Variants in FAM171A1 observed in about 807,000 individuals in gnomAD.
FAM171A1 encodes the protein protein FAM171A1.
In FAM171A1, 23 loss-of-function variants were observed where a neutral mutation model predicts 74.9. That is an observed-to-expected ratio of 0.31 (90% CI 0.22 to 0.44). FAM171A1 has a LOEUF of 0.44. FAM171A1 is among the 20% of genes least tolerant of loss of function. The pLI, the probability that FAM171A1 is intolerant of heterozygous loss-of-function variation, is 1.00. For missense variants in FAM171A1, 1,162 were observed against 1,159.2 expected (o/e 1.00, Z -0.03); for synonymous variants, 527 against 505.7 (o/e 1.04, Z -0.57).
intron 5 of FAM171A1, among the ~76,000 whole-genome samples, chr10:15,227,022 C>T (rs548254416): frequency 2.0e-5 from 3 of 152,170 alleles, no homozygotes; most frequent in Non-Finnish European, 4.4e-5. Context: ...TCTTTTTAGA[C>T]AGAGTCTCAT....
At chr10:15,255,742 C>T (rs1413468289) in intron 3 of FAM171A1, among the ~76,000 whole-genome samples, 1 of 151,720 alleles carries the variant, frequency 6.6e-6, no homozygotes, top group Admixed American at 6.6e-5. Context: ...CTCTGCCTCC[C>T]GTTCAAGCGA....
intron 7 of FAM171A1, 26 bp downstream of exon 7, chr10:15,215,970 A>G (rs977585806): frequency 6.8e-7 from 1 of 1,472,340 alleles, no homozygotes; most frequent in Non-Finnish European, 9.3e-7. Context: ...ATTAAAAAAG[A>G]TATTGCCAAA....
chr10:15,223,393 G>A (rs1834064400), intron 5 of FAM171A1, among the ~76,000 whole-genome samples: 1 of 152,170 alleles, frequency 6.6e-6, no homozygotes, highest in South Asian at 2.1e-4. Context: ...GCATTCTTTG[G>A]TTTGCTGTTT....
intron 1 of FAM171A1, among the ~76,000 whole-genome samples, chr10:15,352,646 T>C (rs1253040917): frequency 6.6e-6 from 1 of 152,212 alleles, no homozygotes; most frequent in African/African-American, 2.4e-5. Flanking sequence ...GTGAAGAAAA[T>C]TGTTTCAAAA....
intron 5 of FAM171A1, among the ~76,000 whole-genome samples, chr10:15,235,910 CCTCACCTACAAGG>C (rs1834282291): frequency 6.6e-6 from 1 of 152,110 alleles, no homozygotes; most frequent in South Asian, 2.1e-4. Flanking sequence ...TCCTCGGGGT[CCTCACCTACAAGG>C]TGAGGATAAC....
intron 1 of FAM171A1, among the ~76,000 whole-genome samples, chr10:15,301,498 G>A (rs535242545): frequency 2.6e-4 from 39 of 152,022 alleles, no homozygotes; most frequent in South Asian, 1.0e-3. Context: ...CCACCTTGCC[G>A]GGCCCTCTTC....
chr10:15,336,770 T>C (rs910984094), intron 1 of FAM171A1, among the ~76,000 whole-genome samples: 1 of 152,180 alleles, frequency 6.6e-6, no homozygotes, highest in Non-Finnish European at 1.5e-5. Flanking sequence ...AGAACTAACA[T>C]AAGAGACTTC....
chr10:15,316,923 A>G (rs961622945), intron 1 of FAM171A1, among the ~76,000 whole-genome samples: 7 of 152,160 alleles, frequency 4.6e-5, no homozygotes, highest in African/African-American at 1.7e-4. Flanking sequence ...AAAAGAGAAG[A>G]CAGTTCTGCC....
At chr10:15,321,484 C>G (rs923722063) in intron 1 of FAM171A1, among the ~76,000 whole-genome samples, 1 of 151,894 alleles carries the variant, frequency 6.6e-6, no homozygotes, top group African/African-American at 2.4e-5. Flanking sequence ...TTTTTAAAAG[C>G]TTTTTTTTAC....
upstream of FAM171A1, among the ~76,000 whole-genome samples, chr10:15,371,659 A>C (rs1836151587): frequency 6.6e-6 from 1 of 152,232 alleles, no homozygotes; most frequent in African/African-American, 2.4e-5. Flanking sequence ...TATAGACTGC[A>C]GTAGGCCTGC....
At chr10:15,328,720 C>A (rs1309167847) in intron 1 of FAM171A1, among the ~76,000 whole-genome samples, 1 of 152,106 alleles carries the variant, frequency 6.6e-6, no homozygotes, top group East Asian at 1.9e-4. Flanking sequence ...AATTGTCTAG[C>A]CTTGGGGATC....
Position 15,213,666 on chromosome 10 carries a change from T to C in FAM171A1, c.1922A>G (p.Gln641Arg). 1 of 1,613,636 alleles carries C rather than the reference T, an allele frequency of 6.2e-7. No homozygotes were observed. The highest frequency in any genetic ancestry group is 8.5e-7 in the Non-Finnish European group (1 of 1,179,744). ...SQIQPQPLSS[Q>R]AISQQHLQDA... ...CTGCAGGTGCTGCTGAGAGATGGCC[T>C]GGGAAGACAGGGGCTGGGGCTGGAT... is the stretch of plus-strand genomic sequence containing the variant. Residue 641 changes from glutamine to arginine, a missense_variant, in exon 8 of 8, where the codon CAG becomes CGG. Physicochemically the swap from Gln to Arg is conservative, Grantham distance 43 (BLOSUM62 1). Transcript: ENST00000378116. The surrounding 1 kb of genome is among the most constrained non-coding windows in gnomAD (Gnocchi z 6.8).
At chr10:15,228,338 T>TC (rs1353873748) in intron 5 of FAM171A1, among the ~76,000 whole-genome samples, 1 of 139,452 alleles carries the variant, frequency 7.2e-6, no homozygotes, top group African/African-American at 2.7e-5. Context: ...GTGGGAGTAT[T>TC]TTTTTTTTTT....
intron 3 of FAM171A1, among the ~76,000 whole-genome samples, chr10:15,272,631 C>A (rs1406459691): frequency 2.6e-5 from 4 of 152,176 alleles, no homozygotes; most frequent in Non-Finnish European, 5.9e-5. Flanking sequence ...AAATTGACCA[C>A]ATAGTTGGGA....
At chr10:15,227,959 C>T (rs2131725012) in intron 5 of FAM171A1, among the ~76,000 whole-genome samples, 1 of 152,248 alleles carries the variant, frequency 6.6e-6, no homozygotes, top group South Asian at 2.1e-4. Flanking sequence ...TGCTTTCCTG[C>T]TTGGTTACCA....
chr10:15,314,824 G>A (rs1213207163), intron 1 of FAM171A1, among the ~76,000 whole-genome samples: 3 of 151,936 alleles, frequency 2.0e-5, no homozygotes, highest in East Asian at 3.9e-4. Context: ...CACTTCTCAC[G>A]AGCCCAGGAA....
intron 6 of FAM171A1, among the ~76,000 whole-genome samples, chr10:15,217,014 T>C (rs749552114): frequency 1.3e-5 from 2 of 152,194 alleles, no homozygotes; most frequent in Non-Finnish European, 2.9e-5. Flanking sequence ...ACTAAAATGA[T>C]ATCCATCTTT....
intron 5 of FAM171A1, among the ~76,000 whole-genome samples, chr10:15,234,651 ACTTTT>A (rs1455776813): frequency 2.2e-3 from 324 of 148,354 alleles, no homozygotes; most frequent in African/African-American, 7.4e-3. Context: ...GATCAGATGT[ACTTTT>A]CTTTTTTTTT....
chr10:15,340,172 C>G (rs760519811), intron 1 of FAM171A1, among the ~76,000 whole-genome samples: 2 of 152,172 alleles, frequency 1.3e-5, no homozygotes, highest in African/African-American at 4.8e-5. Context: ...GTGTAGGAGA[C>G]TGTCTCTGCT....
Sources: allele counts gnomAD v4.1 joint callset (sites outside exome capture counted in the v4.1 genomes callset), GRCh38; gene constraint gnomAD v4.1.1; non-coding constraint Gnocchi (gnomAD v3.1); transcripts MANE v1.5; gene names NCBI Gene and HGNC (gene_info 2026-07-23, HGNC 2026-07-21).